The following CYB5R4 variants were observed in gnomAD, a reference collection of about 807,000 sequenced individuals.
CYB5R4 encodes cytochrome b5 reductase 4.
CYB5R4 carries 55 observed loss-of-function variants against 70.2 expected under a neutral mutation model. The observed-to-expected ratio is 0.78, with a 90% CI of 0.63 to 0.98. CYB5R4 has a LOEUF of 0.98. Ranked by LOEUF, CYB5R4 falls within the 50% of genes least tolerant of loss-of-function variation. The pLI is 0.00. For missense variants in CYB5R4, 562 were observed against 612.6 expected (o/e 0.92, Z 0.87); for synonymous variants, 197 against 199.5 (o/e 0.99, Z 0.11).
chr6:83,953,394 C>G (rs1243738888), intron 14 of CYB5R4, among the ~76,000 whole-genome samples: 1 of 151,232 alleles, frequency 6.6e-6, no homozygotes, highest in African/African-American at 2.4e-5. Flanking sequence ...AATTTTGATT[C>G]CTAGTTTTGT....
rs141187586 is a variant in CYB5R4, at chr6:83,870,470, A to G, written c.229+6142A>G. On this transcript the variant is annotated intron_variant, in intron 2 of 15. Transcript: ENST00000369681. ...TTTTTTTTTTTTCCTAGGTTTCCTT[A>G]GCTCCTTGGTTCATTTCTGTTTTCA... Among the ~76,000 whole-genome samples, 661 of 148,706 alleles carry G rather than the reference A, an allele frequency of 4.4e-3. 5 individuals carry two copies. Among genetic ancestry groups the G allele is most frequent in the African/African-American group, 0.015 (605 of 40,544 alleles).
intron 2 of CYB5R4, among the ~76,000 whole-genome samples, chr6:83,872,701 T>C (rs1006298307): frequency 1.3e-5 from 2 of 152,250 alleles, no homozygotes; most frequent in African/African-American, 4.8e-5. Flanking sequence ...GTTTCTCTAA[T>C]AGCTGAGATA....
Position 83,859,915 on chromosome 6 carries a change from G to A in CYB5R4, c.75+58G>A, listed in dbSNP as rs184967839. 261 of 1,495,902 alleles carry A rather than the reference G, an allele frequency of 1.7e-4. No homozygotes were observed. In the African/African-American group the frequency reaches 3.4e-3, roughly 20 times the overall value. The allele number at this position is 1,495,902 out of a possible 1,614,324, so 92.7% of individuals were successfully genotyped here. ...GCTGCGTTTCGAGCTCTGGCAGTGTGTTCTCTTCTTCCGCCCCAACTCCCA... is the reference window on the plus strand; with the variant it reads ...GCTGCGTTTCGAGCTCTGGCAGTGTATTCTCTTCTTCCGCCCCAACTCCCA... On this transcript the variant is annotated intron_variant, in intron 1 of 15. Transcript: ENST00000369681.
In CYB5R4 at chr6:83,859,816, C is replaced by A. The variant is rs575190331; in HGVS notation, c.34C>A (p.Pro12Thr). ...LNVPSQSFPA[P>T]RSQQRVASGG... ...CGTCCCTTCCCAGTCTTTCCCGGCC[C>A]CCAGGTCGCAGCAGCGTGTCGCCTC... Residue 12 changes from proline (P) to threonine (T), a missense_variant, in exon 1 of 16, where the codon CCC becomes ACC. By Grantham distance (38) the Pro-to-Thr change is conservative. Coordinates refer to ENST00000369681, the MANE Select transcript of CYB5R4 (RefSeq NM_016230.4). 4 of 1,613,488 alleles carry A rather than the reference C, an allele frequency of 2.5e-6. No individual in the cohort carries two copies. In the African/African-American group the frequency reaches 5.3e-5, roughly 21 times the overall value.
chr6:83,949,580 A>G (rs2099471197), intron 14 of CYB5R4, among the ~76,000 whole-genome samples: 1 of 152,174 alleles, frequency 6.6e-6, no homozygotes, highest in East Asian at 1.9e-4. Flanking sequence ...GTTAAGAGAA[A>G]TACCCTACTG....
chr6:83,893,250 T>C (rs1387391812), intron 2 of CYB5R4, among the ~76,000 whole-genome samples: 1 of 152,214 alleles, frequency 6.6e-6, no homozygotes, highest in African/African-American at 2.4e-5. Context: ...ATATTCTGAC[T>C]ACTGCTATTG....
intron 2 of CYB5R4, among the ~76,000 whole-genome samples, chr6:83,891,474 G>A (rs1041857582): frequency 6.6e-5 from 10 of 152,274 alleles, no homozygotes; most frequent in South Asian, 2.1e-4. Flanking sequence ...AGGAAAAAAA[G>A]GGAGATAAGG....
In CYB5R4 at chr6:83,919,420, C is replaced by G; in HGVS notation, c.530C>G (p.Ser177Cys). The G allele has an allele frequency of 6.6e-7, 1 of 1,521,532 alleles. No homozygotes were observed. The highest frequency in any genetic ancestry group is 9.0e-7 in the Non-Finnish European group (1 of 1,116,070). The allele number at this position is 1,521,532 out of a possible 1,614,324, so 94.3% of individuals were successfully genotyped here. Reference sequence around the variant, plus strand: ...AGCTATGATTGGTTCCAAACAGACTCTTTAGTCACCATTGCCATATATACT... The same window carrying G: ...AGCTATGATTGGTTCCAAACAGACTGTTTAGTCACCATTGCCATATATACT... Reference protein sequence around the residue: ...YPSYDWFQTDSLVTIAIYTKQ... With the variant: ...YPSYDWFQTDCLVTIAIYTKQ... Residue 177 changes from serine (S) to cysteine (C), a missense_variant, in exon 7 of 16, where the codon TCT becomes TGT. Transcript: ENST00000369681.
chr6:83,926,782 G>T (rs1404429730), intron 10 of CYB5R4, among the ~76,000 whole-genome samples: 1 of 152,144 alleles, frequency 6.6e-6, no homozygotes, highest in Admixed American at 6.5e-5. Flanking sequence ...TCATGTGGCT[G>T]TGCTAAGTAG....
intron 13 of CYB5R4, 98 bp from the exon 14 acceptor site, chr6:83,940,417 C>G: frequency 8.6e-7 from 1 of 1,164,380 alleles, no homozygotes; most frequent in South Asian, 1.7e-5. Flanking sequence ...ACCTACTGGG[C>G]ACTAAAACAT....
chr6:83,898,779 G>A (rs1036947481), intron 3 of CYB5R4, among the ~76,000 whole-genome samples: 1 of 152,060 alleles, frequency 6.6e-6, no homozygotes, highest in Non-Finnish European at 1.5e-5. Flanking sequence ...TGTTATTGGT[G>A]TATAAGAATG....
chr6:83,921,053 A>G (rs2099466296), intron 7 of CYB5R4, 29 bp from the exon 8 acceptor site: 1 of 1,426,314 alleles, frequency 7.0e-7, no homozygotes, highest in Non-Finnish European at 9.4e-7. Flanking sequence ...TTTACTTTCT[A>G]ATCTTTCTAT....
chr6:83,881,382 C>T (rs2099459418), intron 2 of CYB5R4, among the ~76,000 whole-genome samples: 1 of 152,054 alleles, frequency 6.6e-6, no homozygotes, highest in Admixed American at 6.6e-5. Context: ...GCTTTGTTGC[C>T]CAGGCTGGTC....
At chr6:83,895,458 G>A (rs1331978707) in intron 3 of CYB5R4, among the ~76,000 whole-genome samples, 2 of 152,110 alleles carry the variant, frequency 1.3e-5, no homozygotes, top group South Asian at 4.1e-4. Flanking sequence ...GAGCCATTGC[G>A]CCTGGCCTGG....
rs779930612 is a variant in CYB5R4 at position 83,961,675 on chromosome 6, G to A, written c.*1797G>A. 4.6e-5 allele frequency: 7 copies of A among 151,992 alleles called. No homozygotes were observed. Among genetic ancestry groups the A allele is most frequent in the Non-Finnish European group, 7.4e-5 (5 of 68,000 alleles). The allele number at this position is 151,992 out of a possible 1,614,324, so 9.4% of individuals were successfully genotyped here. A position where few individuals can be genotyped will look rare whatever the true frequency, so the allele number is the denominator to read the frequency against. On this transcript the variant is annotated 3_prime_UTR_variant, in exon 16 of 16. Transcript: ENST00000369681. ...CAGTCTCAGGTAGTTCTTTATAGCA[G>A]TGTGAAAATAGACTAATATAAAAAG...
At chr6:83,863,672 C>G (rs918231934) in intron 1 of CYB5R4, among the ~76,000 whole-genome samples, 7 of 151,848 alleles carry the variant, frequency 4.6e-5, no homozygotes, top group Non-Finnish European at 8.8e-5. Flanking sequence ...GTTCCGCGTC[C>G]AAGGATTCAA....
At chr6:83,902,310 G>C (rs2099463108) in intron 3 of CYB5R4, among the ~76,000 whole-genome samples, 1 of 152,092 alleles carries the variant, frequency 6.6e-6, no homozygotes, top group Non-Finnish European at 1.5e-5. Flanking sequence ...TGACGTCATT[G>C]TTGAAAATCA....
At chr6:83,876,888 C>T (rs1251976025) in intron 2 of CYB5R4, among the ~76,000 whole-genome samples, 1 of 152,030 alleles carries the variant, frequency 6.6e-6, no homozygotes, top group African/African-American at 2.4e-5. Flanking sequence ...GGCTGGAGTG[C>T]AGTGGCACGA....
chr6:83,915,515 TG>T (rs1216369697), intron 5 of CYB5R4, among the ~76,000 whole-genome samples: 2 of 152,194 alleles, frequency 1.3e-5, no homozygotes, highest in African/African-American at 2.4e-5. Flanking sequence ...GCTTAATGAT[TG>T]ATTACCGATA....
Sources: gnomAD v4.1 joint callset for allele counts (sites outside exome capture counted in the v4.1 genomes callset) on GRCh38, gnomAD v4.1.1 for gene constraint, MANE v1.5 for transcripts, NCBI Gene and HGNC (gene_info 2026-07-23, HGNC 2026-07-21) for gene names.